The following DYNC2LI1 variants were observed in gnomAD, a reference collection of about 807,000 sequenced individuals.
DYNC2LI1 encodes the protein cytoplasmic dynein 2 light intermediate chain 1.
DYNC2LI1 carries 45 observed loss-of-function variants against 51.9 expected under a neutral mutation model. The ratio of observed to expected loss-of-function variants is 0.87; its 90% CI spans 0.68 to 1.11. The LOEUF (loss-of-function observed/expected upper bound fraction) is 1.11. Among genes scored for constraint, DYNC2LI1 ranks in the 50% most tolerant of loss-of-function variants. The pLI is 0.00. For missense variants in DYNC2LI1, 490 were observed against 417.4 expected (o/e 1.17, Z -1.51); for synonymous variants, 130 against 137.8 (o/e 0.94, Z 0.40).
At chr2:43,811,953 T>C (rs1666500319), downstream of DYNC2LI1, among the ~76,000 whole-genome samples, 1 of 152,200 alleles carries the variant, frequency 6.6e-6, no homozygotes, top group African/African-American at 2.4e-5. Context: ...GTAATACAGG[T>C]GTCTGTATTT....
downstream of DYNC2LI1, chr2:43,810,533 A>G: frequency 6.1e-6 from 6 of 983,336 alleles, no homozygotes; most frequent in Non-Finnish European, 7.2e-6. Flanking sequence ...GAGTAAGTAT[A>G]ATTGCTATGA....
Position 43,796,873 on chromosome 2 carries a change from C to T in DYNC2LI1, c.654+78C>T, listed in dbSNP as rs540395553. On this transcript the variant is annotated intron_variant, in intron 8 of 12. Transcript: ENST00000260605. Reference sequence around the variant, plus strand: ...AAATCAGCAACTTGATGCACAGCTACGAGGAATAAATGCTTTTGCTAATGC... The same window carrying T: ...AAATCAGCAACTTGATGCACAGCTATGAGGAATAAATGCTTTTGCTAATGC... 104 of 1,104,558 alleles carry T rather than the reference C, an allele frequency of 9.4e-5. 2 individuals carry two copies. The highest frequency in any genetic ancestry group is 9.1e-4 in the South Asian group (72 of 78,890). The allele number at this position is 1,104,558 out of a possible 1,614,324, so 68.4% of individuals were successfully genotyped here.
At chr2:43,818,966 C>T in the DYNC2LI1 span, among the ~76,000 whole-genome samples, 1 of 152,158 alleles carries the variant, frequency 6.6e-6, no homozygotes, top group Admixed American at 6.5e-5. Flanking sequence ...CCTCTCTCCA[C>T]GAAGTCACGT....
intron 8 of DYNC2LI1, among the ~76,000 whole-genome samples, chr2:43,797,362 G>C (rs1178096294): frequency 6.6e-6 from 1 of 152,010 alleles, no homozygotes; most frequent in Admixed American, 6.6e-5. Flanking sequence ...TTGTTGTGAG[G>C]ATTCAAAGAG....
intron 3 of DYNC2LI1, 84 bp downstream of exon 3, chr2:43,783,638 G>T: frequency 1.2e-6 from 1 of 851,154 alleles, no homozygotes; most frequent in South Asian, 2.6e-5. Flanking sequence ...CATAAGGAAG[G>T]GGAACGATTT....
the DYNC2LI1 span, among the ~76,000 whole-genome samples, chr2:43,815,586 T>G: frequency 6.6e-6 from 1 of 152,136 alleles, no homozygotes; most frequent in African/African-American, 2.4e-5. Flanking sequence ...AGGTTGCTAA[T>G]TGAAAAGGAT....
At chr2:43,806,345 A>G (rs1473947018) in intron 12 of DYNC2LI1, among the ~76,000 whole-genome samples, 1 of 152,220 alleles carries the variant, frequency 6.6e-6, no homozygotes, top group African/African-American at 2.4e-5. Flanking sequence ...TTGCGAGGGT[A>G]ACCTGAAAAC....
At chr2:43,775,692 C>T (rs28521420) in intron 1 of DYNC2LI1, 71 of 326,146 alleles carry the variant, frequency 2.2e-4, no homozygotes, top group African/African-American at 1.2e-3. Flanking sequence ...TTTTTATTTT[C>T]TTTTTTTTTT....
chr2:43,823,801 TG>T, the DYNC2LI1 span: 2 of 1,261,734 alleles, frequency 1.6e-6, no homozygotes, highest in Non-Finnish European at 2.2e-6. Flanking sequence ...TGGAGAGGGC[TG>T]GGTTTAGCTC....
chr2:43,794,094 G>A (rs1365088563), intron 5 of DYNC2LI1: 1 of 189,792 alleles, frequency 5.3e-6, no homozygotes, highest in African/African-American at 2.4e-5. Context: ...TTGTGTTACT[G>A]TTTTTGCTTC....
At chr2:43,822,499 TC>T in the DYNC2LI1 span, 2 of 494,320 alleles carry the variant, frequency 4.0e-6, no homozygotes, top group African/African-American at 2.2e-5. Context: ...TGCACCTGGG[TC>T]CTAGCTACTT....
chr2:43,817,910 A>AAAAC, the DYNC2LI1 span, among the ~76,000 whole-genome samples: 17 of 152,044 alleles, frequency 1.1e-4, no homozygotes, highest in African/African-American at 3.1e-4. Flanking sequence ...ATTCCCTCTC[A>AAAAC]AAACAAACAA....
In DYNC2LI1 at chr2:43,794,544, C is replaced by G. The variant is rs1363348754; in HGVS notation, c.408C>G (p.Ser136Arg). 1 of 1,613,868 alleles carries G rather than the reference C, an allele frequency of 6.2e-7. No individual in the cohort carries two copies. The highest frequency in any genetic ancestry group is 1.3e-5 in the African/African-American group (1 of 74,896). ...TMENLLQATKSHVDKVIMKLG... is the reference protein window; with the variant it reads ...TMENLLQATKRHVDKVIMKLG... ...AAAATCTCTTGCAAGCCACAAAAAG[C>G]CATGTAGACAAAGTGATAATGAAAC... The change falls in exon 6 of 13, where the codon AGC becomes AGG. Residue 136 changes from serine to arginine, a missense_variant. By Grantham distance (110) the Ser-to-Arg change is moderately radical. Transcript: ENST00000260605.
At position 43,792,879 on chromosome 2, in the gene DYNC2LI1, A is replaced by G. The variant is rs1209516615; in HGVS notation, c.321-1578A>G. On this transcript the variant is annotated intron_variant, in intron 5 of 12. Transcript: ENST00000260605. ...ATGTTCCATTGTGTAAACAAATACC[A>G]CAGTTCAGTTATCCGTTAATCCATG... 17 of 1,370,754 alleles carry G rather than the reference A, an allele frequency of 1.2e-5. No homozygotes were observed. The East Asian group carries it at 3.4e-4, about 28-fold the overall frequency. 84.9% of individuals were successfully genotyped at this position (1,370,754 alleles called of 1,614,324 possible).
At chr2:43,825,869 A>G in the DYNC2LI1 span, among the ~76,000 whole-genome samples, 752 of 152,340 alleles carry the variant, frequency 4.9e-3, 9 homozygotes, top group African/African-American at 0.017. Flanking sequence ...GAAATGAGCT[A>G]TGTACAGAAA....
downstream of DYNC2LI1, chr2:43,810,075 ATAAAAG>A: frequency 1.6e-6 from 1 of 635,650 alleles, no homozygotes; most frequent in Non-Finnish European, 2.0e-6. Context: ...TTTTAGGAAT[ATAAAAG>A]TAAGAGTATT....
intron 12 of DYNC2LI1, among the ~76,000 whole-genome samples, chr2:43,806,707 T>C (rs964601696): frequency 6.6e-6 from 1 of 152,190 alleles, no homozygotes; most frequent in Non-Finnish European, 1.5e-5. Context: ...ATCAGTATTA[T>C]TAAAGGATTA....
the DYNC2LI1 span, among the ~76,000 whole-genome samples, chr2:43,821,811 A>G: frequency 6.6e-6 from 1 of 150,600 alleles, no homozygotes; most frequent in African/African-American, 2.4e-5. Context: ...CAGCAGCTGA[A>G]TTCACCTCCC....
intron 12 of DYNC2LI1, among the ~76,000 whole-genome samples, chr2:43,808,487 G>A (rs1666352789): frequency 6.6e-6 from 1 of 152,196 alleles, no homozygotes; most frequent in Non-Finnish European, 1.5e-5. Context: ...CGTTTTATTT[G>A]AAGTAGTGAC....
Sources: allele counts gnomAD v4.1 joint callset (sites outside exome capture counted in the v4.1 genomes callset), GRCh38; gene constraint gnomAD v4.1.1; transcripts MANE v1.5; gene names NCBI Gene and HGNC (gene_info 2026-07-23, HGNC 2026-07-21).